Variants in SNX29 observed in about 807,000 individuals in gnomAD.
The protein encoded by SNX29 is sorting nexin-29.
In SNX29, 78 loss-of-function variants were observed where a neutral mutation model predicts 102.1. The observed-to-expected ratio is 0.76, with a 90% CI of 0.64 to 0.92. The LOEUF (loss-of-function observed/expected upper bound fraction) is 0.92. Among genes scored for constraint, SNX29 ranks in the 40% least tolerant of loss-of-function variants. SNX29 has a pLI of 0.00. For synonymous variants in SNX29, 580 were observed against 414.5 expected (o/e 1.40, Z -4.85); for missense variants, 1,280 against 1,061.7 (o/e 1.21, Z -2.86).
At chr16:12,401,366 T>TTC (rs2083935037) in intron 17 of SNX29, among the ~76,000 whole-genome samples, 3 of 144,168 alleles carry the variant, frequency 2.1e-5, no homozygotes, top group Non-Finnish European at 4.6e-5. Context: ...TAAATTTTTT[T>TTC]TTTTTTTTTT....
intron 13 of SNX29, among the ~76,000 whole-genome samples, chr16:12,184,591 G>A (rs1171180274): frequency 6.6e-6 from 1 of 152,120 alleles, no homozygotes; most frequent in Non-Finnish European, 1.5e-5. Flanking sequence ...TAGCTTCCTG[G>A]AATCCACAGA....
intron 18 of SNX29, among the ~76,000 whole-genome samples, chr16:12,406,762 G>A (rs1267898577): frequency 6.6e-6 from 1 of 152,164 alleles, no homozygotes; most frequent in African/African-American, 2.4e-5. Flanking sequence ...ACAAAAATTA[G>A]CTGAGCGTTG....
rs572101419 is a variant in SNX29 at position 12,574,064 on chromosome 16, A to T, written c.*5435A>T. On this transcript the variant is annotated 3_prime_UTR_variant, in exon 21 of 21. Coordinates refer to ENST00000566228, the MANE Select transcript of SNX29 (RefSeq NM_032167.5). Reference sequence around the variant, plus strand: ...TAGTCTGTGTGTACATAAGGTCTAGAAGTCTGTGGAAACGCCCTGAAACCT... The same window carrying T: ...TAGTCTGTGTGTACATAAGGTCTAGTAGTCTGTGGAAACGCCCTGAAACCT... 4 of 192,176 alleles carry T rather than the reference A, an allele frequency of 2.1e-5. No homozygotes were observed. In the Admixed American group the frequency reaches 2.4e-4, roughly 12 times the overall value. 11.9% of individuals were successfully genotyped at this position (192,176 alleles called of 1,614,324 possible).
rs546937054 is a variant in SNX29, at chr16:12,572,527, CCA to C, written c.*3901_*3902del. ...CTTCCTGCTCCACGTGCTCAAGCCCCCACAGGGGGCTGCGACACCATCTGGCT... is the reference window on the plus strand; with the variant it reads ...CTTCCTGCTCCACGTGCTCAAGCCCCCAGGGGGCTGCGACACCATCTGGCT... On this transcript the variant is annotated 3_prime_UTR_variant, in exon 21 of 21. Coordinates refer to ENST00000566228, the MANE Select transcript of SNX29 (RefSeq NM_032167.5). 1.3e-4 allele frequency: 143 copies of C among 1,064,210 alleles called. 1 individual carries two copies. The African/African-American group carries it at 2.1e-3, about 16-fold the overall frequency. 65.9% of individuals were successfully genotyped at this position (1,064,210 alleles called of 1,614,324 possible). A position where few individuals can be genotyped will look rare whatever the true frequency, so the allele number is the denominator to read the frequency against.
chr16:12,572,321 A>C lies in SNX29; in HGVS notation c.*3692A>C, dbSNP rs1006767519. Reference sequence around the variant, plus strand: ...GATCACAATCCAGGTTGGAAACAGGAGTGAAGCCCACCAGCCTGCCTGGTT... The same window carrying C: ...GATCACAATCCAGGTTGGAAACAGGCGTGAAGCCCACCAGCCTGCCTGGTT... On this transcript the variant is annotated 3_prime_UTR_variant, in exon 21 of 21. Transcript: ENST00000566228. 62 of 1,062,784 alleles carry C rather than the reference A, an allele frequency of 5.8e-5. No individual in the cohort carries two copies. The highest frequency in any genetic ancestry group is 1.6e-5 in the African/African-American group (1 of 60,922). The allele number at this position is 1,062,784 out of a possible 1,614,324, so 65.8% of individuals were successfully genotyped here.
At chr16:12,423,545 C>T (rs2084947179) in intron 18 of SNX29, among the ~76,000 whole-genome samples, 1 of 152,122 alleles carries the variant, frequency 6.6e-6, no homozygotes, top group Non-Finnish European at 1.5e-5. Flanking sequence ...GTAACAGGTG[C>T]CAAGTGCATT....
rs542591587 is a variant in SNX29, at chr16:12,572,952, C to T, written c.*4323C>T. The T allele has an allele frequency of 7.4e-6, 5 of 675,210 alleles. No homozygotes were observed. Among genetic ancestry groups the T allele is most frequent in the South Asian group, 7.0e-5 (1 of 14,258 alleles). The allele number at this position is 675,210 out of a possible 1,614,324, so 41.8% of individuals were successfully genotyped here. On this transcript the variant is annotated 3_prime_UTR_variant, in exon 21 of 21. Coordinates refer to ENST00000566228, the MANE Select transcript of SNX29 (RefSeq NM_032167.5). ...TTCAAGGCAGGCATCTGCTTATGAG[C>T]AAGGTCAAAGATTTTTCAAAATATT...
intron 15 of SNX29, among the ~76,000 whole-genome samples, chr16:12,354,882 C>G (rs1003904263): frequency 6.6e-6 from 1 of 152,136 alleles, no homozygotes; most frequent in Admixed American, 6.5e-5. Context: ...CTTATTCTGC[C>G]TTTGTTAATT....
At chr16:12,554,558 C>T (rs1332196077) in intron 20 of SNX29, among the ~76,000 whole-genome samples, 1 of 152,178 alleles carries the variant, frequency 6.6e-6, no homozygotes, top group Admixed American at 6.5e-5. Flanking sequence ...ACTTGTTCAA[C>T]AATTTCTTAA....
chr16:12,420,552 G>C (rs1276315783), intron 18 of SNX29, among the ~76,000 whole-genome samples: 1 of 152,176 alleles, frequency 6.6e-6, no homozygotes, highest in Non-Finnish European at 1.5e-5. Context: ...ATGGTGTTGA[G>C]TCGACTGAAA....
chr16:12,194,087 A>G (rs1416384092), intron 13 of SNX29, among the ~76,000 whole-genome samples: 1 of 152,184 alleles, frequency 6.6e-6, no homozygotes, highest in African/African-American at 2.4e-5. Flanking sequence ...GGGGAAATTG[A>G]CATCTTAATT....
chr16:12,519,012 C>T (rs150116740), intron 19 of SNX29, among the ~76,000 whole-genome samples: 16 of 152,230 alleles, frequency 1.1e-4, no homozygotes, highest in East Asian at 7.7e-4. Flanking sequence ...CACTGGCCCA[C>T]GGAGGCTGCC....
At chr16:12,031,122 G>C (rs1300490873) in intron 4 of SNX29, among the ~76,000 whole-genome samples, 1 of 151,946 alleles carries the variant, frequency 6.6e-6, no homozygotes, top group African/African-American at 2.4e-5. Context: ...GCCCAGGCTA[G>C]AGTGCAGTGG....
At chr16:12,177,723 T>A (rs1013534150) in intron 13 of SNX29, among the ~76,000 whole-genome samples, 2 of 152,232 alleles carry the variant, frequency 1.3e-5, no homozygotes, top group African/African-American at 4.8e-5. Flanking sequence ...TTCCAGTCTT[T>A]TAAAATGAGT....
At chr16:12,229,341 G>T (rs1596565670) in intron 14 of SNX29, among the ~76,000 whole-genome samples, 1 of 152,298 alleles carries the variant, frequency 6.6e-6, no homozygotes, top group Non-Finnish European at 1.5e-5. Context: ...GAAATGGTCA[G>T]GCCAGTCCTA....
At chr16:12,376,073 A>G (rs1395537835) in intron 16 of SNX29, 1 of 145,366 alleles carries the variant, frequency 6.9e-6, no homozygotes, top group African/African-American at 2.6e-5. Flanking sequence ...CATGATTTCT[A>G]CTATATTCTA....
At chr16:12,488,599 A>C (rs911717220) in intron 19 of SNX29, among the ~76,000 whole-genome samples, 104 of 152,176 alleles carry the variant, frequency 6.8e-4, no homozygotes, top group African/African-American at 2.4e-3. Flanking sequence ...ATTGTGTAGC[A>C]CCGGCTTTGC....
At chr16:12,103,536 T>C (rs1349535636) in intron 11 of SNX29, among the ~76,000 whole-genome samples, 1 of 152,132 alleles carries the variant, frequency 6.6e-6, no homozygotes, top group African/African-American at 2.4e-5. Context: ...TATACAAAAA[T>C]TAACTCAAGA....
chr16:12,465,291 C>T (rs191082210), intron 18 of SNX29, among the ~76,000 whole-genome samples: 14 of 152,146 alleles, frequency 9.2e-5, no homozygotes, highest in Non-Finnish European at 1.3e-4. Flanking sequence ...AAAATTACTG[C>T]CAAGACTAGT....
Sources: gnomAD v4.1 joint callset for allele counts (sites outside exome capture counted in the v4.1 genomes callset) on GRCh38, gnomAD v4.1.1 for gene constraint, MANE v1.5 for transcripts, NCBI Gene and HGNC (gene_info 2026-07-23, HGNC 2026-07-21) for gene names.